Variants in PCDH11X observed in about 807,000 individuals in gnomAD.
PCDH11X encodes protocadherin-11 X-linked.
Under a neutral mutation model 53.3 loss-of-function variants are expected in PCDH11X, and 18 were observed. That is an observed-to-expected ratio of 0.34 (90% confidence interval 0.23 to 0.50). The LOEUF (loss-of-function observed/expected upper bound fraction) is 0.50, where lower values mean the gene tolerates loss of function less well. PCDH11X is among the 20% of genes least tolerant of loss of function. PCDH11X has a pLI of 0.98. For synonymous variants in PCDH11X, 279 were observed against 393.3 expected (o/e 0.71, Z 3.44); for missense variants, 570 against 1,032.4 (o/e 0.55, Z 6.14).
intron 6 of PCDH11X, among the ~76,000 whole-genome samples, chrX:91,915,882 C>A (rs941860723): frequency 1.9e-4 from 21 of 110,817 alleles, no homozygotes; most frequent in Non-Finnish European, 1.3e-4. Context: ...CCAACCACTG[C>A]AGACTATACA....
intron 6 of PCDH11X, among the ~76,000 whole-genome samples, chrX:92,045,800 C>T (rs1268702756): frequency 2.8e-5 from 3 of 108,992 alleles, no homozygotes; most frequent in Non-Finnish European, 5.7e-5. Context: ...ATCAGCCAGG[C>T]GTAGTGGTGT....
chrX:92,393,098 A>G (rs979144648), intron 9 of PCDH11X, among the ~76,000 whole-genome samples: 6 of 110,590 alleles, frequency 5.4e-5, no homozygotes, highest in African/African-American at 2.0e-4. Flanking sequence ...GACGAAAGTC[A>G]CATATCAATT....
chrX:92,428,153 G>T (rs915503664), intron 9 of PCDH11X, among the ~76,000 whole-genome samples: 1 of 107,552 alleles, frequency 9.3e-6, no homozygotes, highest in African/African-American at 3.4e-5. Flanking sequence ...CAGAATATAT[G>T]TGTGCATCAA....
chrX:92,282,665 A>G (rs1456168649), intron 8 of PCDH11X, among the ~76,000 whole-genome samples: 1 of 111,771 alleles, frequency 8.9e-6, no homozygotes, highest in Non-Finnish European at 1.9e-5. Context: ...TAGATGGTTT[A>G]GTAGATAGCA....
At chrX:92,324,962 A>G (rs1254527098) in intron 8 of PCDH11X, among the ~76,000 whole-genome samples, 1 of 110,561 alleles carries the variant, frequency 9.0e-6, no homozygotes, top group Non-Finnish European at 1.9e-5. Flanking sequence ...TTCGTTTAGG[A>G]TAATGGTCTC....
chrX:92,458,304 A>C (rs1603332425), intron 9 of PCDH11X, among the ~76,000 whole-genome samples: 1 of 98,542 alleles, frequency 1.0e-5, no homozygotes, highest in African/African-American at 3.7e-5. Flanking sequence ...CAGACATATA[A>C]TGTATAATGA....
chrX:92,462,844 T>C (rs1391214828), intron 9 of PCDH11X, among the ~76,000 whole-genome samples: 39 of 108,507 alleles, frequency 3.6e-4, no homozygotes, highest in African/African-American at 1.3e-3. Context: ...AAAGAATTTG[T>C]TATCTTAAAT....
intron 6 of PCDH11X, among the ~76,000 whole-genome samples, chrX:92,144,187 G>A (rs1368767218): frequency 9.1e-6 from 1 of 109,704 alleles, no homozygotes; most frequent in African/African-American, 3.4e-5. Context: ...ATGAGACTTT[G>A]GACTGGTGGG....
chrX:92,515,065 A>G (rs1376932826), intron 10 of PCDH11X, among the ~76,000 whole-genome samples: 7 of 56,123 alleles, frequency 1.2e-4, no homozygotes, highest in Non-Finnish European at 1.7e-4. Context: ...AAAAAAAAAG[A>G]AAAGAAAAGA....
In PCDH11X at chrX:92,149,423, T is replaced by C. The variant is rs867616428; in HGVS notation, c.3034-51952T>C. ...AGGCTGGAATGAGAGATCTCTCTCT[T>C]TCTCTCACTCTCTCTCTCTCTCTCT... On this transcript the variant is annotated intron_variant, in intron 6 of 10. Transcript: ENST00000682573. Among the ~76,000 whole-genome samples the C allele has an allele frequency of 6.7e-4, 62 of 92,329 alleles. No individual in the cohort carries two copies. In the East Asian group the frequency reaches 0.027, roughly 40 times the overall value. 80.2% of individuals were successfully genotyped at this position (92,329 alleles called of 115,157 possible).
chrX:92,364,024 G>T (rs1262669937), intron 8 of PCDH11X, among the ~76,000 whole-genome samples: 1 of 111,254 alleles, frequency 9.0e-6, no homozygotes, highest in East Asian at 2.8e-4. Context: ...CTCAGTCTTG[G>T]TGTGTAACCT....
At chrX:92,148,081 TC>T (rs2065340421) in intron 6 of PCDH11X, among the ~76,000 whole-genome samples, 1 of 14,133 alleles carries the variant, frequency 7.1e-5, no homozygotes, top group African/African-American at 3.0e-4. Flanking sequence ...TTTCTTTCTT[TC>T]TTTCTTTCTT....
chrX:92,057,045 AAAAC>A (rs944567359), intron 6 of PCDH11X, among the ~76,000 whole-genome samples: 2 of 110,931 alleles, frequency 1.8e-5, no homozygotes, highest in Non-Finnish European at 3.8e-5. Context: ...TCAAAATGAC[AAAAC>A]AAACAAACAA....
intron 6 of PCDH11X, among the ~76,000 whole-genome samples, chrX:92,080,900 G>A (rs184932267): frequency 1.1e-3 from 119 of 111,172 alleles, no homozygotes; most frequent in African/African-American, 3.8e-3. Flanking sequence ...TGTTTGTACA[G>A]ATTTTTCTCA....
intron 6 of PCDH11X, among the ~76,000 whole-genome samples, chrX:92,017,382 G>A (rs2525196): frequency 1.1e-4 from 12 of 109,948 alleles, no homozygotes; most frequent in South Asian, 3.9e-4. Flanking sequence ...GAAAAAGAGC[G>A]CTGATCACAG....
chrX:92,119,850 C>G (rs1569367573), intron 6 of PCDH11X, among the ~76,000 whole-genome samples: 1 of 110,977 alleles, frequency 9.0e-6, no homozygotes. Flanking sequence ...AGGTAAATCA[C>G]ATTTTAATTT....
intron 6 of PCDH11X, among the ~76,000 whole-genome samples, chrX:92,030,626 C>G (rs1182897106): frequency 9.2e-6 from 1 of 109,170 alleles, no homozygotes; most frequent in Non-Finnish European, 1.9e-5. Context: ...CCATCCCCAT[C>G]TCCCCCAACC....
intron 8 of PCDH11X, among the ~76,000 whole-genome samples, chrX:92,366,030 A>G (rs1443944422): frequency 9.1e-6 from 1 of 110,185 alleles, no homozygotes; most frequent in Admixed American, 9.7e-5. Context: ...CTCTTTTACT[A>G]TTGTTTGGAA....
In PCDH11X at chrX:92,263,128, G is replaced by T; in HGVS notation, c.3129G>T (p.Gly1043=). 1 of 1,185,697 alleles carries T rather than the reference G, an allele frequency of 8.4e-7. No individual in the cohort carries two copies. Among genetic ancestry groups the T allele is most frequent in the East Asian group, 3.0e-5 (1 of 33,214 alleles). Residue 1043 remains glycine (G), a synonymous_variant, in exon 8 of 11, where the codon GGG becomes GGT. Coordinates refer to ENST00000682573, the MANE Select transcript of PCDH11X (RefSeq NM_032968.5). The part of the protein sequence containing the change: ...IHPQPQRKSE[G]KVAGKSQRRV... Reference sequence around the variant, plus strand: ...TCCTAAATCAGCGGAAATCTGAAGGGAAAGTGGCAGGAAAGGTAAGACTGC... The same window carrying T: ...TCCTAAATCAGCGGAAATCTGAAGGTAAAGTGGCAGGAAAGGTAAGACTGC...
Sources: allele counts gnomAD v4.1 joint callset (sites outside exome capture counted in the v4.1 genomes callset), GRCh38; gene constraint gnomAD v4.1.1; transcripts MANE v1.5; gene names NCBI Gene and HGNC (gene_info 2026-07-23, HGNC 2026-07-21).